EPRS1: variants seen among roughly 807,000 people sequenced by gnomAD.
EPRS1 encodes the protein glutamyl-prolyl-tRNA synthetase 1, also known as bifunctional glutamate/proline--tRNA ligase.
A neutral mutation model predicts 188.3 loss-of-function variants in EPRS1; 107 were observed. The ratio of observed to expected loss-of-function variants is 0.57; its 90% CI spans 0.49 to 0.67. The LOEUF is 0.67. EPRS1 is among the 30% of genes least tolerant of loss of function. The pLI, the probability that EPRS1 is intolerant of heterozygous loss-of-function variation, is 0.00. For synonymous variants in EPRS1, 596 were observed against 593.1 expected, an observed-to-expected ratio of 1.00 and a Z score of -0.07; for missense variants, 1,577 against 1,802.2, an observed-to-expected ratio of 0.88 and a Z score of 2.26.
intron 9 of EPRS1, among the ~76,000 whole-genome samples, chr1:220,020,761 A>G (rs1235353709): frequency 6.8e-6 from 1 of 146,348 alleles, no homozygotes; most frequent in East Asian, 2.0e-4. Flanking sequence ...AAGATGAAAT[A>G]GTCTAAAAAA....
chr1:220,040,811 T>C (rs1056103433), intron 1 of EPRS1, among the ~76,000 whole-genome samples: 1 of 149,378 alleles, frequency 6.7e-6, no homozygotes, highest in African/African-American at 2.5e-5. Flanking sequence ...GATTGAGCCA[T>C]TGCACTCCAG....
At chr1:220,002,509 A>G (rs1244568115) in intron 16 of EPRS1, among the ~76,000 whole-genome samples, 2 of 152,186 alleles carry the variant, frequency 1.3e-5, no homozygotes, top group Admixed American at 6.5e-5. Flanking sequence ...ATTTGTCTAC[A>G]TACCACACCT....
At chr1:220,043,676 C>T (rs753246284) in intron 1 of EPRS1, among the ~76,000 whole-genome samples, 3 of 152,096 alleles carry the variant, frequency 2.0e-5, no homozygotes, top group African/African-American at 4.8e-5. Flanking sequence ...GGAATAACTA[C>T]GCTATTCCTG....
At chr1:220,034,810 A>T (rs1336558552) in intron 3 of EPRS1, 104 bp downstream of exon 3, 2 of 751,650 alleles carry the variant, frequency 2.7e-6, no homozygotes, top group Non-Finnish European at 4.8e-6. Context: ...CTCTGTTAAT[A>T]TCCTTAAGTA....
chr1:220,044,711 A>AAAAT (rs1558064845), intron 1 of EPRS1, among the ~76,000 whole-genome samples: 1 of 124,894 alleles, frequency 8.0e-6, no homozygotes, highest in African/African-American at 2.9e-5. Context: ...AAAAAAAAAA[A>AAAAT]AACAGTATCA....
intron 28 of EPRS1, among the ~76,000 whole-genome samples, chr1:219,977,289 C>A (rs577287983): frequency 3.0e-4 from 45 of 152,124 alleles, no homozygotes; most frequent in East Asian, 1.7e-3. Flanking sequence ...TATTTTCTTT[C>A]CTGAGGAATA....
At chr1:219,994,276 AGT>A (rs1370275298) in intron 18 of EPRS1, among the ~76,000 whole-genome samples, 2 of 151,914 alleles carry the variant, frequency 1.3e-5, no homozygotes, top group Non-Finnish European at 2.9e-5. Flanking sequence ...TCTGAGTGTC[AGT>A]GTGTGTGAGT....
At chr1:219,989,573 T>C (rs1452666840) in intron 18 of EPRS1, among the ~76,000 whole-genome samples, 1 of 152,188 alleles carries the variant, frequency 6.6e-6, no homozygotes, top group Non-Finnish European at 1.5e-5. Context: ...ATCCAATTTT[T>C]ACTGCTACAT....
At chr1:219,980,301 T>C (rs1242105332) in intron 25 of EPRS1, 61 bp from the exon 26 acceptor site, 8 of 1,301,254 alleles carry the variant, frequency 6.1e-6, no homozygotes, top group Middle Eastern at 2.3e-4. Flanking sequence ...TTAAGATCTA[T>C]AAAACTGCAC....
chr1:219,980,324 A>T, intron 25 of EPRS1, 84 bp from the exon 26 acceptor site: 1 of 1,025,268 alleles, frequency 9.8e-7, no homozygotes, highest in Non-Finnish European at 1.4e-6. Flanking sequence ...CTTAAGACTA[A>T]TTGTGTGGGA....
At chr1:219,984,455 G>A (rs181401977) in intron 20 of EPRS1, among the ~76,000 whole-genome samples, 198 bp from the exon 21 acceptor site, 237 of 152,264 alleles carry the variant, frequency 1.6e-3, no homozygotes, top group Non-Finnish European at 3.1e-3. Context: ...GTCTTACTCT[G>A]TCACCCAGGC....
At chr1:219,981,349 A>T in intron 24 of EPRS1, 29 bp downstream of exon 24, 1 of 1,457,408 alleles carries the variant, frequency 6.9e-7, no homozygotes, top group Non-Finnish European at 9.4e-7. Flanking sequence ...ATGAATAATA[A>T]TAGAATACAA....
In EPRS1 at chr1:220,001,225, A is replaced by G; in HGVS notation, c.2094T>C (p.Val698=). The change falls in exon 17 of 32, where the codon GTT becomes GTC. Residue 698 remains valine (V), a synonymous_variant. Transcript: ENST00000366923. ...SPYSCKEAPC[V]LIYIPDGHTK... ...TGTGCCCATCAGGAATGTATATCAA[A>G]ACACACGGGGCTTCCTTGCAACTAT... is the stretch of plus-strand genomic sequence containing the variant. The G allele has an allele frequency of 6.2e-7, 1 of 1,613,642 alleles. No individual in the cohort carries two copies. Among genetic ancestry groups the G allele is most frequent in the Non-Finnish European group, 8.5e-7 (1 of 1,179,536 alleles).
At position 220,024,422 on chromosome 1, in the gene EPRS1, T is replaced by C; in HGVS notation, c.785A>G (p.Lys262Arg). The C allele has an allele frequency of 6.2e-7, 1 of 1,607,880 alleles. No individual in the cohort carries two copies. Among genetic ancestry groups the C allele is most frequent in the Non-Finnish European group, 8.5e-7 (1 of 1,178,392 alleles). ...ILEDVAMLHIKPDQFTYTSDH... is the reference protein window; with the variant it reads ...ILEDVAMLHIRPDQFTYTSDH... Reference sequence around the variant, plus strand: ...CGAAGTATAAGTAAATTGATCTGGTTTGATATGCAACATTGCAACATCTTC... The same window carrying C: ...CGAAGTATAAGTAAATTGATCTGGTCTGATATGCAACATTGCAACATCTTC... The change falls in exon 8 of 32, where the codon AAA (lysine) becomes AGA (arginine). Residue 262 changes from lysine (K) to arginine (R), a missense_variant. Around this residue, in one of 3 missense-constraint regions of EPRS1, gnomAD observed 1,278 missense variants for 1,457.4 expected, o/e 0.88. Coordinates refer to ENST00000366923, the MANE Select transcript of EPRS1 (RefSeq NM_004446.3).
chr1:219,986,191 T>C (rs1165790742), intron 20 of EPRS1, among the ~76,000 whole-genome samples: 1 of 152,214 alleles, frequency 6.6e-6, no homozygotes, highest in Non-Finnish European at 1.5e-5. Context: ...TCTTATTAAG[T>C]AAGCCATTAA....
chr1:220,026,184 G>A (rs1279085263), intron 6 of EPRS1, among the ~76,000 whole-genome samples: 3 of 152,202 alleles, frequency 2.0e-5, no homozygotes, highest in African/African-American at 4.8e-5. Context: ...CTCATGTCAC[G>A]GAGATTAAAA....
chr1:220,043,906 G>A (rs1016344272), intron 1 of EPRS1, among the ~76,000 whole-genome samples: 1 of 152,144 alleles, frequency 6.6e-6, no homozygotes, highest in Non-Finnish European at 1.5e-5. Context: ...ACTATGGAGG[G>A]TCTGGTTGTA....
chr1:220,045,183 A>G lies in EPRS1; in HGVS notation c.46+1160T>C, dbSNP rs531592580. Reference sequence around the variant, plus strand: ...CAACATTAGAAAGTACTGTGTGTGTATTATCATACATATGCATTAACAAAT... The same window carrying G: ...CAACATTAGAAAGTACTGTGTGTGTGTTATCATACATATGCATTAACAAAT... On this transcript the variant is annotated intron_variant, in intron 1 of 31. Coordinates refer to ENST00000366923, the MANE Select transcript of EPRS1 (RefSeq NM_004446.3). Among the ~76,000 whole-genome samples the G allele has an allele frequency of 1.7e-3, 253 of 152,332 alleles. 1 individual carries two copies. Among genetic ancestry groups the G allele is most frequent in the Admixed American group, 1.7e-3 (26 of 15,296 alleles).
At chr1:220,031,678 C>A (rs1768673) in intron 5 of EPRS1, among the ~76,000 whole-genome samples, 1 of 151,968 alleles carries the variant, frequency 6.6e-6, no homozygotes, top group East Asian at 1.9e-4. Context: ...CAAAGTGGAG[C>A]AACTCTGGTA....
Sources: allele counts gnomAD v4.1 joint callset (sites outside exome capture counted in the v4.1 genomes callset), GRCh38; gene constraint gnomAD v4.1.1; regional missense constraint gnomAD v4.1.1; transcripts MANE v1.5; gene names NCBI Gene and HGNC (gene_info 2026-07-23, HGNC 2026-07-21).